The following SUGCT variants were observed in gnomAD, a reference collection of about 807,000 sequenced individuals.
SUGCT encodes succinyl-CoA:glutarate-CoA transferase.
A neutral mutation model predicts 55.0 loss-of-function variants in SUGCT; 41 were observed. That is an observed-to-expected ratio of 0.74 (90% confidence interval 0.58 to 0.97). The LOEUF (loss-of-function observed/expected upper bound fraction) is 0.97. Ranked by LOEUF, SUGCT falls within the 50% of genes least tolerant of loss-of-function variation. The probability of loss-of-function intolerance (pLI) is 0.00; values close to 1 mark genes in which losing one functional copy is unlikely to be tolerated. For synonymous variants in SUGCT, 187 were observed against 200.4 expected (o/e 0.93, Z 0.56); for missense variants, 568 against 547.8 (o/e 1.04, Z -0.37).
At chr7:40,510,624 A>G (rs1465010789) in intron 12 of SUGCT, among the ~76,000 whole-genome samples, 1 of 152,206 alleles carries the variant, frequency 6.6e-6, no homozygotes, top group Non-Finnish European at 1.5e-5. Context: ...AATGATAGGA[A>G]CATGACAGAA....
At chr7:40,602,760 T>A (rs184686709) in intron 12 of SUGCT, among the ~76,000 whole-genome samples, 2 of 152,298 alleles carry the variant, frequency 1.3e-5, no homozygotes, top group African/African-American at 4.8e-5. Flanking sequence ...CTTCTGTTCT[T>A]TTTGTCATCC....
chr7:40,940,700 G>T, the SUGCT span, among the ~76,000 whole-genome samples: 1 of 152,014 alleles, frequency 6.6e-6, no homozygotes, highest in African/African-American at 2.4e-5. Flanking sequence ...TTGGTGTATA[G>T]CCATGCTACT....
At chr7:40,415,421 C>CT (rs1043431997) in intron 9 of SUGCT, among the ~76,000 whole-genome samples, 51 of 144,404 alleles carry the variant, frequency 3.5e-4, no homozygotes, top group East Asian at 1.0e-3. Context: ...GTTGCTTATA[C>CT]TTTTTTTTTT....
At chr7:40,959,118 T>C in the SUGCT span, among the ~76,000 whole-genome samples, 1 of 151,962 alleles carries the variant, frequency 6.6e-6, no homozygotes, top group Non-Finnish European at 1.5e-5. Context: ...TGCTGGGAGG[T>C]GTCTCCCAGT....
rs186836769 is a variant in SUGCT, at chr7:40,712,005, G to A, written c.1090-37429G>A. ...TCCCATGGCTCTGGAAGTGAGGTCCGCATCAAAGATGAGGAAACTGCGGCT... is the reference window on the plus strand; with the variant it reads ...TCCCATGGCTCTGGAAGTGAGGTCCACATCAAAGATGAGGAAACTGCGGCT... On this transcript the variant is annotated intron_variant, in intron 12 of 13. Coordinates refer to ENST00000335693, the MANE Select transcript of SUGCT (RefSeq NM_001193313.2). 1.1e-4 allele frequency among the ~76,000 whole-genome samples: 16 copies of A among 152,298 alleles called. No individual in the cohort carries two copies. In the East Asian group the frequency reaches 2.7e-3, roughly 26 times the overall value.
intron 6 of SUGCT, among the ~76,000 whole-genome samples, chr7:40,227,819 A>G (rs1404247471): frequency 6.6e-6 from 1 of 151,518 alleles, no homozygotes; most frequent in Non-Finnish European, 1.5e-5. Context: ...ATTATCACAC[A>G]TAAGTAAAAA....
chr7:40,820,573 T>C (rs1463003247), intron 13 of SUGCT, among the ~76,000 whole-genome samples: 2 of 152,200 alleles, frequency 1.3e-5, no homozygotes, highest in Non-Finnish European at 2.9e-5. Context: ...GTTTGTCTGT[T>C]ATTGGTGTAT....
chr7:40,368,932 C>T (rs1459212820), intron 9 of SUGCT, among the ~76,000 whole-genome samples: 3 of 151,874 alleles, frequency 2.0e-5, no homozygotes, highest in African/African-American at 7.3e-5. Flanking sequence ...GGCAAAACTG[C>T]ATCTCTACTA....
the SUGCT span, among the ~76,000 whole-genome samples, chr7:40,889,230 C>T: frequency 6.6e-6 from 1 of 152,120 alleles, no homozygotes; most frequent in East Asian, 1.9e-4. Flanking sequence ...TCATGGCTCT[C>T]AAGGGACATC....
At chr7:40,151,869 A>C (rs953264778) in intron 1 of SUGCT, among the ~76,000 whole-genome samples, 1 of 152,172 alleles carries the variant, frequency 6.6e-6, no homozygotes, top group African/African-American at 2.4e-5. Flanking sequence ...AGGTTTTCTA[A>C]GGATAACTTG....
chr7:40,359,595 G>A (rs528940795), intron 9 of SUGCT, among the ~76,000 whole-genome samples: 2 of 152,266 alleles, frequency 1.3e-5, no homozygotes, highest in South Asian at 4.1e-4. Flanking sequence ...CATGATATAA[G>A]AGTAGAGAAA....
intron 12 of SUGCT, among the ~76,000 whole-genome samples, chr7:40,658,767 C>T (rs578037274): frequency 7.9e-5 from 12 of 152,260 alleles, no homozygotes; most frequent in Middle Eastern, 3.4e-3. Flanking sequence ...CATTTCCAGC[C>T]GTAAAATCCC....
In SUGCT at chr7:40,203,195, G is replaced by A. The variant is rs1042022729; in HGVS notation, c.484+8135G>A. Among the ~76,000 whole-genome samples, 10 of 152,156 alleles carry A rather than the reference G, an allele frequency of 6.6e-5. No homozygotes were observed. The East Asian group carries it at 1.7e-3, about 26-fold the overall frequency. ...TCTTTCCAAGGAAATTCAGCTGAAG[G>A]TTTTATTTAGCTTTTCACCTTTTCT... On this transcript the variant is annotated intron_variant, in intron 6 of 13. Transcript: ENST00000335693.
At chr7:40,646,995 C>A (rs1035821484) in intron 12 of SUGCT, among the ~76,000 whole-genome samples, 1 of 152,152 alleles carries the variant, frequency 6.6e-6, no homozygotes, top group Non-Finnish European at 1.5e-5. Context: ...AAATCCAGAC[C>A]GCTGTGCTCT....
chr7:40,575,128 G>GT (rs1554372730), intron 12 of SUGCT, among the ~76,000 whole-genome samples: 2 of 147,772 alleles, frequency 1.4e-5, no homozygotes, highest in East Asian at 1.9e-4. Flanking sequence ...GCGGGGGTGG[G>GT]GGTGGAGATG....
chr7:40,284,665 C>G (rs1793197465), intron 8 of SUGCT, among the ~76,000 whole-genome samples: 1 of 150,504 alleles, frequency 6.6e-6, no homozygotes, highest in Non-Finnish European at 1.5e-5. Flanking sequence ...ATTTAGTCAT[C>G]TCACAGTGTA....
intron 1 of SUGCT, among the ~76,000 whole-genome samples, chr7:40,135,784 G>A (rs1398610082): frequency 6.6e-6 from 1 of 151,530 alleles, no homozygotes; most frequent in Non-Finnish European, 1.5e-5. Flanking sequence ...AGCCTTCCGA[G>A]TAGCTGGGAT....
the SUGCT span, among the ~76,000 whole-genome samples, chr7:40,906,376 T>G: frequency 6.6e-6 from 1 of 152,064 alleles, no homozygotes; most frequent in Non-Finnish European, 1.5e-5. Context: ...TAATAGTGAG[T>G]CTTGGATATA....
chr7:40,742,681 C>T (rs567153633), intron 12 of SUGCT, among the ~76,000 whole-genome samples: 1 of 150,738 alleles, frequency 6.6e-6, no homozygotes, highest in Admixed American at 6.6e-5. Context: ...TACCGGTTTG[C>T]GGACCCCTGA....
Sources: gnomAD v4.1 joint callset for allele counts (sites outside exome capture counted in the v4.1 genomes callset) on GRCh38, gnomAD v4.1.1 for gene constraint, MANE v1.5 for transcripts, NCBI Gene and HGNC (gene_info 2026-07-23, HGNC 2026-07-21) for gene names.